The following MYOCD variants were observed in gnomAD, a reference collection of about 807,000 sequenced individuals.
The protein encoded by MYOCD is myocardin.
In MYOCD, 32 loss-of-function variants were observed where a neutral mutation model predicts 96.1. The observed-to-expected ratio is 0.33, with a 90% CI of 0.25 to 0.45. MYOCD has a LOEUF of 0.45. Ranked by LOEUF, MYOCD falls within the 20% of genes least tolerant of loss-of-function variation. The probability of loss-of-function intolerance (pLI) is 1.00; values close to 1 mark genes in which losing one functional copy is unlikely to be tolerated. For missense variants in MYOCD, 1,133 were observed against 1,200.6 expected, an observed-to-expected ratio of 0.94 and a Z score of 0.83; for synonymous variants, 469 against 469.0, an observed-to-expected ratio of 1.00 and a Z score of 0.00.
At chr17:12,715,408 G>A in intron 2 of MYOCD, 111 bp from the exon 3 acceptor site, 7 of 777,944 alleles carry the variant, frequency 9.0e-6, no homozygotes, top group Non-Finnish European at 1.4e-5. Context: ...GCCTAATAAA[G>A]GCAATCACCT....
intron 5 of MYOCD, among the ~76,000 whole-genome samples, chr17:12,731,455 G>C: frequency 6.6e-6 from 1 of 152,082 alleles, no homozygotes; most frequent in East Asian, 1.9e-4. Flanking sequence ...CCTCCCGGGT[G>C]GTCTGTTTAT....
intron 1 of MYOCD, among the ~76,000 whole-genome samples, chr17:12,687,273 G>A (rs556379920): frequency 1.8e-4 from 28 of 152,010 alleles, no homozygotes; most frequent in Non-Finnish European, 3.8e-4. Flanking sequence ...TTCCCTTCAT[G>A]AGTAAAGAGT....
At chr17:12,704,216 T>C (rs1180055301) in intron 1 of MYOCD, among the ~76,000 whole-genome samples, 1 of 152,166 alleles carries the variant, frequency 6.6e-6, no homozygotes, top group Non-Finnish European at 1.5e-5. Context: ...GGATTCAAGC[T>C]TTAAGCTCTC....
Position 12,763,484 on chromosome 17 carries a change from C to T in MYOCD, c.2801C>T (p.Pro934Leu). The T allele has an allele frequency of 6.2e-7, 1 of 1,614,174 alleles. No individual in the cohort carries two copies. Among genetic ancestry groups the T allele is most frequent in the African/African-American group, 1.3e-5 (1 of 75,050 alleles). The stretch of plus-strand genomic sequence containing the variant: ...CTGCAGTTAAGCTTCACTGAATCTC[C>T]CTGGGAAACCATGGAGTGGCTGGAC... ...NGLQLSFTES[P>L]WETMEWLDLT... Residue 934 changes from proline to leucine, a missense_variant, in exon 14 of 14, where the codon CCC (proline) becomes CTC (leucine). Coordinates refer to ENST00000425538, the MANE Select transcript of MYOCD (RefSeq NM_001146312.3).
At chr17:12,691,508 A>T (rs910598000) in intron 1 of MYOCD, among the ~76,000 whole-genome samples, 3 of 151,980 alleles carry the variant, frequency 2.0e-5, no homozygotes, top group South Asian at 4.2e-4. Flanking sequence ...AGAAAACGGT[A>T]CCCTACCTGA....
At chr17:12,741,577 C>T (rs982034017) in intron 7 of MYOCD, among the ~76,000 whole-genome samples, 37 of 151,932 alleles carry the variant, frequency 2.4e-4, no homozygotes, top group African/African-American at 8.5e-4. Flanking sequence ...GACGTGGTGG[C>T]GTGTGCCTGT....
intron 1 of MYOCD, among the ~76,000 whole-genome samples, chr17:12,679,168 C>T (rs1345273321): frequency 1.3e-5 from 2 of 152,140 alleles, no homozygotes; most frequent in Admixed American, 1.3e-4. Context: ...CCTATTTCCT[C>T]TCTCAACCTA....
chr17:12,719,217 T>G (rs2031748108), intron 4 of MYOCD, among the ~76,000 whole-genome samples: 1 of 133,246 alleles, frequency 7.5e-6, no homozygotes, highest in African/African-American at 2.8e-5. Context: ...CATACAGACT[T>G]TTCAGTGATC....
At chr17:12,673,763 A>AG (rs1909848348) in intron 1 of MYOCD, among the ~76,000 whole-genome samples, 1 of 152,208 alleles carries the variant, frequency 6.6e-6, no homozygotes, top group South Asian at 2.1e-4. Context: ...AATGATGGCT[A>AG]GTGTTTTTGG....
rs1229067844 is a variant in MYOCD, at chr17:12,756,518, G to A, written c.2163G>A (p.Gly721=). The change falls in exon 11 of 14, where the codon GGG becomes GGA. Residue 721 remains glycine, a synonymous_variant. Coordinates refer to ENST00000425538, the MANE Select transcript of MYOCD (RefSeq NM_001146312.3). ...AAGCAGACAGCAGTCATGGTGCCGG[G>A]GGAAACCCTTGTCCCAAAAGCCCAT... ...GAQADSSHGA[G]GNPCPKSPCV... 2 of 1,551,360 alleles carry A rather than the reference G, an allele frequency of 1.3e-6. No individual in the cohort carries two copies. The highest frequency in any genetic ancestry group is 1.7e-6 in the Non-Finnish European group (2 of 1,146,990).
chr17:12,699,867 T>C (rs1223654262), intron 1 of MYOCD, among the ~76,000 whole-genome samples: 2 of 150,350 alleles, frequency 1.3e-5, no homozygotes, highest in Non-Finnish European at 3.0e-5. Flanking sequence ...ACTAACAACC[T>C]CTTGAAAGAT....
chr17:12,756,516 G>C lies in MYOCD; in HGVS notation c.2161G>C (p.Gly721Arg). Residue 721 changes from glycine (G) to arginine (R), a missense_variant, in exon 11 of 14, where the codon GGG (glycine) becomes CGG (arginine). Physicochemically the swap from Gly to Arg is moderately radical, Grantham distance 125. Coordinates refer to ENST00000425538, the MANE Select transcript of MYOCD (RefSeq NM_001146312.3). ...GAQADSSHGA[G>R]GNPCPKSPCV... ...CCAAGCAGACAGCAGTCATGGTGCC[G>C]GGGGAAACCCTTGTCCCAAAAGCCC... 6.4e-7 allele frequency: 1 copy of C among 1,551,406 alleles called. No homozygotes were observed. Among genetic ancestry groups the C allele is most frequent in the Non-Finnish European group, 8.7e-7 (1 of 1,146,928 alleles).
intron 1 of MYOCD, among the ~76,000 whole-genome samples, chr17:12,682,521 CA>C (rs1359770760): frequency 1.3e-5 from 2 of 152,192 alleles, no homozygotes; most frequent in Non-Finnish European, 2.9e-5. Flanking sequence ...TAGGATTCAA[CA>C]GAAAAGGGAA....
intron 2 of MYOCD, among the ~76,000 whole-genome samples, chr17:12,707,691 G>A (rs7222263): frequency 0.15 from 22,838 of 152,012 alleles, 1,808 homozygotes; most frequent in Middle Eastern, 0.2. Flanking sequence ...TCCAGCCTGG[G>A]CAACAGAGCG....
intron 1 of MYOCD, among the ~76,000 whole-genome samples, chr17:12,676,158 C>G (rs564587245): frequency 6.6e-6 from 1 of 151,884 alleles, no homozygotes; most frequent in East Asian, 1.9e-4. Context: ...GACGTGGACA[C>G]TAAATAAAAT....
chr17:12,719,150 G>C (rs987036990), intron 4 of MYOCD, among the ~76,000 whole-genome samples: 1 of 136,368 alleles, frequency 7.3e-6, no homozygotes, highest in African/African-American at 2.8e-5. Flanking sequence ...ACTCCAGCCG[G>C]GGCCACAGAG....
At chr17:12,694,142 A>G (rs2030622213) in intron 1 of MYOCD, among the ~76,000 whole-genome samples, 1 of 152,214 alleles carries the variant, frequency 6.6e-6, no homozygotes, top group African/African-American at 2.4e-5. Flanking sequence ...CTGCTCAAAC[A>G]GTACTTTTAG....
At chr17:12,750,657 C>A (rs2032825929) in intron 9 of MYOCD, among the ~76,000 whole-genome samples, 1 of 152,130 alleles carries the variant, frequency 6.6e-6, no homozygotes, top group African/African-American at 2.4e-5. Context: ...CCGCTGCACT[C>A]CAGCCTGACC....
chr17:12,763,685 C>G lies in MYOCD; in HGVS notation c.*41C>G. 2.0e-6 allele frequency: 3 copies of G among 1,533,272 alleles called. No homozygotes were observed. The highest frequency in any genetic ancestry group is 2.7e-6 in the Non-Finnish European group (3 of 1,125,812). 95.0% of individuals were successfully genotyped at this position (1,533,272 alleles called of 1,614,324 possible). On this transcript the variant is annotated 3_prime_UTR_variant, in exon 14 of 14. Coordinates refer to ENST00000425538, the MANE Select transcript of MYOCD (RefSeq NM_001146312.3). Reference sequence around the variant, plus strand: ...AGTGCTATGGAAGACCAATGGAGTTCCATGGGGGAAAGCACACAGCCATAC... The same window carrying G: ...AGTGCTATGGAAGACCAATGGAGTTGCATGGGGGAAAGCACACAGCCATAC...
Sources: allele counts gnomAD v4.1 joint callset (sites outside exome capture counted in the v4.1 genomes callset), GRCh38; gene constraint gnomAD v4.1.1; transcripts MANE v1.5; gene names NCBI Gene and HGNC (gene_info 2026-07-23, HGNC 2026-07-21).